ZER1: variants seen among roughly 807,000 people sequenced by gnomAD.
The protein encoded by ZER1 is zyg-11 related cell cycle regulator.
A neutral mutation model predicts 78.8 loss-of-function variants in ZER1; 11 were observed. That is an observed-to-expected ratio of 0.14 (90% CI 0.09 to 0.23). ZER1 has a LOEUF of 0.23. Among genes scored for constraint, ZER1 ranks in the 10% least tolerant of loss-of-function variants. The pLI is 1.00. For missense variants in ZER1, 588 were observed against 996.9 expected (o/e 0.59, Z 5.52); for synonymous variants, 400 against 407.0 (o/e 0.98, Z 0.21).
At chr9:128,739,126 A>T (rs1223239712) in intron 13 of ZER1, among the ~76,000 whole-genome samples, 3 of 151,968 alleles carry the variant, frequency 2.0e-5, no homozygotes, top group Non-Finnish European at 2.9e-5. Flanking sequence ...CTATGATTAC[A>T]GGCGTGAACC....
chr9:128,748,426 TG>T (rs1342295293), intron 8 of ZER1, among the ~76,000 whole-genome samples: 2 of 141,954 alleles, frequency 1.4e-5, no homozygotes, highest in Admixed American at 7.5e-5. Context: ...AAAAATTAGT[TG>T]GGTGTGGTGG....
intron 1 of ZER1, among the ~76,000 whole-genome samples, chr9:128,770,760 A>G (rs1172861451): frequency 6.6e-6 from 1 of 152,170 alleles, no homozygotes; most frequent in Admixed American, 6.5e-5. Flanking sequence ...TTTCAAGGCT[A>G]TGCTTTTATG....
chr9:128,731,327 A>T lies in ZER1; in HGVS notation c.*10T>A. The T allele has an allele frequency of 6.2e-7, 1 of 1,609,024 alleles. No homozygotes were observed. The highest frequency in any genetic ancestry group is 8.5e-7 in the Non-Finnish European group (1 of 1,177,788). ...GTCCAGAGCGGTGGCGGCCATGGGG[A>T]CGGAGGCCTCTATCTAGACGTGTCC... On this transcript the variant is annotated 3_prime_UTR_variant, in exon 16 of 16. Transcript: ENST00000291900.
chr9:128,770,594 C>T (rs1356442791), intron 1 of ZER1, among the ~76,000 whole-genome samples: 3 of 152,190 alleles, frequency 2.0e-5, no homozygotes, highest in Non-Finnish European at 4.4e-5. Flanking sequence ...CCAACTCCTT[C>T]CCCATGGTCC....
chr9:128,758,141 A>T (rs1222000543), intron 1 of ZER1, among the ~76,000 whole-genome samples: 35 of 136,140 alleles, frequency 2.6e-4, no homozygotes, highest in African/African-American at 9.1e-4. Flanking sequence ...TTTTTTTGAG[A>T]TAGAGTCTTG....
intron 8 of ZER1, among the ~76,000 whole-genome samples, chr9:128,747,092 A>G (rs1246417543): frequency 5.3e-5 from 8 of 151,804 alleles, no homozygotes; most frequent in Admixed American, 4.6e-4. Flanking sequence ...CCAGCTACTC[A>G]GGACACTGAG....
intron 1 of ZER1, among the ~76,000 whole-genome samples, chr9:128,765,212 TACACACACACACACAC>T (rs60923356): frequency 5.3e-5 from 8 of 149,702 alleles, no homozygotes; most frequent in South Asian, 4.2e-4. Context: ...CATGCACATG[TACACACACACACACAC>T]ACACACACAC....
rs1016766023 is a variant in ZER1, at chr9:128,750,893, G to C, written c.1186-104C>G. The C allele has an allele frequency of 4.0e-6, 6 of 1,515,338 alleles. No homozygotes were observed. In the Admixed American group the frequency reaches 1.1e-4, roughly 28 times the overall value. The allele number at this position is 1,515,338 out of a possible 1,614,324, so 93.9% of individuals were successfully genotyped here. A position where few individuals can be genotyped will look rare whatever the true frequency, so the allele number is the denominator to read the frequency against. On this transcript the variant is annotated intron_variant, in intron 7 of 15. Coordinates refer to ENST00000291900, the MANE Select transcript of ZER1 (RefSeq NM_006336.4). ...CTGGGGCAAGGTTTAGCCTGGTCTTGCTCTCTAAAGGCAGAAGTGGGGCCT... is the reference window on the plus strand; with the variant it reads ...CTGGGGCAAGGTTTAGCCTGGTCTTCCTCTCTAAAGGCAGAAGTGGGGCCT...
chr9:128,764,439 G>C (rs1018002802), intron 1 of ZER1, among the ~76,000 whole-genome samples: 1 of 152,130 alleles, frequency 6.6e-6, no homozygotes, highest in Non-Finnish European at 1.5e-5. Context: ...CAGTTACCTA[G>C]GCAGCTGCTC....
Position 128,755,728 on chromosome 9 carries a change from C to A in ZER1, c.-94-69G>T. The A allele has an allele frequency of 1.1e-6, 1 of 903,660 alleles. No homozygotes were observed. The highest frequency in any genetic ancestry group is 1.8e-5 in the South Asian group (1 of 54,400). 56.0% of individuals were successfully genotyped at this position (903,660 alleles called of 1,614,324 possible). On this transcript the variant is annotated intron_variant, in intron 1 of 15. Transcript: ENST00000291900. The surrounding 1 kb of genome is among the most constrained non-coding windows in gnomAD (Gnocchi z 5.6). ...AGAACTATCAGTGGTCCCATGTCCACGCTCTGAGTAGGGAAACTGAGACCA... is the reference window on the plus strand; with the variant it reads ...AGAACTATCAGTGGTCCCATGTCCAAGCTCTGAGTAGGGAAACTGAGACCA...
chr9:128,747,910 C>G (rs1207598180), intron 8 of ZER1, among the ~76,000 whole-genome samples: 1 of 152,168 alleles, frequency 6.6e-6, no homozygotes, highest in African/African-American at 2.4e-5. Flanking sequence ...AGGGCCACCA[C>G]ACCTGGCTTA....
At chr9:128,737,131 G>A (rs185211748) in intron 13 of ZER1, among the ~76,000 whole-genome samples, 2 of 151,888 alleles carry the variant, frequency 1.3e-5, no homozygotes, top group East Asian at 1.9e-4. Flanking sequence ...GTGACAGTGC[G>A]AGACTCCGTC....
Position 128,755,451 on chromosome 9 carries a change from C to T in ZER1, c.115G>A (p.Asp39Asn). ...LDKETLRLHP[D>N]IFLPSEICDR... ...CAGATCTCGCTGGGCAAGAAGATGTCCGGATGTAGCCGCAGGGTCTCCTTG... is the reference window on the plus strand; with the variant it reads ...CAGATCTCGCTGGGCAAGAAGATGTTCGGATGTAGCCGCAGGGTCTCCTTG... The change falls in exon 2 of 16, where the codon GAC (aspartate) becomes AAC (asparagine). Residue 39 changes from aspartate (D) to asparagine (N), a missense_variant. This residue lies in a region of ZER1 where 406 missense variants were observed against 660.1 expected (regional missense o/e 0.62). Coordinates refer to ENST00000291900, the MANE Select transcript of ZER1 (RefSeq NM_006336.4). The surrounding 1 kb of genome is among the most constrained non-coding windows in gnomAD (Gnocchi z 5.6). 1.2e-6 allele frequency: 2 copies of T among 1,614,056 alleles called. No homozygotes were observed. Among genetic ancestry groups the T allele is most frequent in the Non-Finnish European group, 1.7e-6 (2 of 1,180,024 alleles).
At chr9:128,756,310 G>A (rs541164906) in intron 1 of ZER1, among the ~76,000 whole-genome samples, 2 of 152,282 alleles carry the variant, frequency 1.3e-5, no homozygotes, top group South Asian at 4.1e-4. Flanking sequence ...GCCGGGCGTG[G>A]TGGCGGGCGC....
chr9:128,768,198 C>T (rs62583613), intron 1 of ZER1, among the ~76,000 whole-genome samples: 6,422 of 152,176 alleles, frequency 0.042, 166 homozygotes, highest in Non-Finnish European at 0.064. Context: ...AAATAGATAA[C>T]CAGACAGGGG....
chr9:128,759,523 T>G (rs548706444), intron 1 of ZER1, among the ~76,000 whole-genome samples: 1 of 149,616 alleles, frequency 6.7e-6, no homozygotes, highest in African/African-American at 2.4e-5. Flanking sequence ...CGGCTGGGCA[T>G]GGTGGCTCAC....
intron 8 of ZER1, among the ~76,000 whole-genome samples, chr9:128,745,678 G>A (rs966918643): frequency 2.0e-5 from 3 of 151,184 alleles, no homozygotes; most frequent in Non-Finnish European, 3.0e-5. Flanking sequence ...TTTAAGACGC[G>A]GTCTCTCTGT....
At chr9:128,759,060 G>A (rs1589541354) in intron 1 of ZER1, among the ~76,000 whole-genome samples, 2 of 151,234 alleles carry the variant, frequency 1.3e-5, no homozygotes, top group African/African-American at 2.4e-5. Flanking sequence ...GCAGTGGCGC[G>A]ATCTCGGCTC....
rs1863046149 is a variant in ZER1, at chr9:128,735,755, GA to G, written c.2043-325del. On this transcript the variant is annotated intron_variant, in intron 13 of 15. Transcript: ENST00000291900. ...GCACCCTGGGAACAGAAGCACGTGT[GA>G]CCTGGTTTTTTTTTTTTTTTTTTTT... Among the ~76,000 whole-genome samples the G allele has an allele frequency of 1.9e-5, 2 of 104,268 alleles. 1 individual carries two copies. The highest frequency in any genetic ancestry group is 3.7e-5 in the Non-Finnish European group (2 of 53,498). The allele number at this position is 104,268 out of a possible 152,430, so 68.4% of individuals were successfully genotyped here.
Sources: allele counts gnomAD v4.1 joint callset (sites outside exome capture counted in the v4.1 genomes callset), GRCh38; gene constraint gnomAD v4.1.1; regional missense constraint gnomAD v4.1.1; non-coding constraint Gnocchi (gnomAD v3.1); transcripts MANE v1.5; gene names NCBI Gene and HGNC (gene_info 2026-07-23, HGNC 2026-07-21).